ANKS1B: variants seen among roughly 807,000 people sequenced by gnomAD.
ANKS1B encodes ankyrin repeat and sterile alpha motif domain-containing protein 1B.
Under a neutral mutation model 148.3 loss-of-function variants are expected in ANKS1B, and 36 were observed. The ratio of observed to expected loss-of-function variants is 0.24; its 90% CI spans 0.19 to 0.32. The LOEUF (loss-of-function observed/expected upper bound fraction) is 0.32. ANKS1B is among the 10% of genes least tolerant of loss of function. The probability of loss-of-function intolerance (pLI) is 1.00; values close to 1 mark genes in which losing one functional copy is unlikely to be tolerated. For missense variants in ANKS1B, 1,157 were observed against 1,542.6 expected (o/e 0.75, Z 4.19); for synonymous variants, 542 against 560.8 (o/e 0.97, Z 0.47).
intron 19 of ANKS1B, 56 bp from the exon 20 acceptor site, chr12:98,807,974 C>G: frequency 3.7e-6 from 5 of 1,362,352 alleles, no homozygotes; most frequent in Non-Finnish European, 5.2e-6. Context: ...TGGCAGCTAC[C>G]AAGGTAGCAT....
intron 17 of ANKS1B, among the ~76,000 whole-genome samples, chr12:98,913,451 C>T (rs746628708): frequency 2.6e-5 from 4 of 152,122 alleles, no homozygotes; most frequent in South Asian, 4.2e-4. Context: ...AGGTGCAGCT[C>T]GTGGCCTGCT....
chr12:99,046,754 G>T (rs769154890), intron 17 of ANKS1B, among the ~76,000 whole-genome samples: 12 of 148,170 alleles, frequency 8.1e-5, no homozygotes, highest in Non-Finnish European at 1.3e-4. Flanking sequence ...AGCAGAGATT[G>T]CAGAGATTGT....
chr12:99,453,901 G>A (rs2095801453), intron 10 of ANKS1B, among the ~76,000 whole-genome samples: 1 of 152,150 alleles, frequency 6.6e-6, no homozygotes, highest in Admixed American at 6.5e-5. Context: ...ACAGAAGAAT[G>A]AGCCACTAAC....
chr12:99,087,283 G>C (rs2052241070), intron 15 of ANKS1B, among the ~76,000 whole-genome samples: 1 of 152,136 alleles, frequency 6.6e-6, no homozygotes, highest in African/African-American at 2.4e-5. Context: ...TGCTTAGAAG[G>C]ATTAAAGCCA....
chr12:99,646,473 T>C (rs926298890), intron 9 of ANKS1B, among the ~76,000 whole-genome samples: 22 of 151,882 alleles, frequency 1.4e-4, no homozygotes, highest in Admixed American at 3.9e-4. Flanking sequence ...CTGAGCAATA[T>C]GGTGAAACCC....
At chr12:99,441,924 T>C (rs563230920) in intron 11 of ANKS1B, among the ~76,000 whole-genome samples, 31 of 152,068 alleles carry the variant, frequency 2.0e-4, no homozygotes, top group African/African-American at 7.5e-4. Context: ...AGAATCTGTT[T>C]TTCATTCATT....
chr12:99,845,439 A>G (rs899522509), intron 1 of ANKS1B, among the ~76,000 whole-genome samples: 3 of 152,092 alleles, frequency 2.0e-5, no homozygotes, highest in African/African-American at 4.8e-5. Flanking sequence ...ATATGAAGGG[A>G]TGCTGAATTT....
intron 17 of ANKS1B, among the ~76,000 whole-genome samples, chr12:98,946,697 A>G (rs1035102492): frequency 3.9e-5 from 6 of 152,120 alleles, no homozygotes; most frequent in Non-Finnish European, 8.8e-5. Context: ...GCACTTTGGG[A>G]GGCTGAGGCA....
intron 16 of ANKS1B, among the ~76,000 whole-genome samples, chr12:99,067,267 T>G (rs2044667128): frequency 6.6e-6 from 1 of 152,216 alleles, no homozygotes; most frequent in African/African-American, 2.4e-5. Context: ...TTGGCAATGA[T>G]GGCCACTTTG....
intron 25 of ANKS1B, among the ~76,000 whole-genome samples, chr12:98,762,191 C>A (rs1231308215): frequency 6.6e-6 from 1 of 152,148 alleles, no homozygotes; most frequent in Non-Finnish European, 1.5e-5. Context: ...TAAACAGAGT[C>A]CCTGGATCAC....
chr12:99,141,629 T>C (rs531649475), intron 15 of ANKS1B, among the ~76,000 whole-genome samples: 1 of 151,894 alleles, frequency 6.6e-6, no homozygotes, highest in East Asian at 1.9e-4. Context: ...CCACCATGTG[T>C]CCATGTGTTC....
chr12:99,701,203 A>G (rs1047689063), intron 8 of ANKS1B, among the ~76,000 whole-genome samples: 1 of 152,114 alleles, frequency 6.6e-6, no homozygotes, highest in African/African-American at 2.4e-5. Context: ...ACCAGTTGAG[A>G]CACTTTGGGG....
chr12:99,584,095 A>C (rs1396699429), intron 9 of ANKS1B, among the ~76,000 whole-genome samples: 1 of 152,210 alleles, frequency 6.6e-6, no homozygotes, highest in Non-Finnish European at 1.5e-5. Context: ...TGACAATGTA[A>C]AAAGGTAGGC....
At chr12:99,713,253 A>G (rs1321111907) in intron 8 of ANKS1B, among the ~76,000 whole-genome samples, 1 of 152,148 alleles carries the variant, frequency 6.6e-6, no homozygotes. Flanking sequence ...GACCTTATCT[A>G]AAATCGTTCC....
chr12:98,832,932 T>C (rs2099330782), intron 17 of ANKS1B, among the ~76,000 whole-genome samples: 2 of 152,084 alleles, frequency 1.3e-5, no homozygotes, highest in South Asian at 4.1e-4. Flanking sequence ...AAGGGATTAA[T>C]GAATATGAAA....
intron 12 of ANKS1B, among the ~76,000 whole-genome samples, chr12:99,308,106 T>C (rs2082606707): frequency 2.0e-5 from 3 of 152,002 alleles, no homozygotes; most frequent in Admixed American, 6.6e-5. Flanking sequence ...GACCTGGAGG[T>C]AGCTATTTGT....
At chr12:99,412,658 A>C (rs547584555) in intron 11 of ANKS1B, among the ~76,000 whole-genome samples, 6 of 152,268 alleles carry the variant, frequency 3.9e-5, no homozygotes, top group Non-Finnish European at 5.9e-5. Flanking sequence ...CATCACTGCT[A>C]TGAATTTATT....
intron 12 of ANKS1B, among the ~76,000 whole-genome samples, chr12:99,348,439 T>G (rs1238725727): frequency 2.0e-5 from 3 of 150,692 alleles, no homozygotes. Context: ...AAGAAATAAA[T>G]CTACTTATTC....
intron 2 of ANKS1B, among the ~76,000 whole-genome samples, chr12:99,821,289 A>C (rs2153678660): frequency 6.6e-6 from 1 of 152,112 alleles, no homozygotes; most frequent in African/African-American, 2.4e-5. Context: ...CTATAGGATG[A>C]CACTGAAAAT....
Sources: allele counts gnomAD v4.1 joint callset (sites outside exome capture counted in the v4.1 genomes callset), GRCh38; gene constraint gnomAD v4.1.1; transcripts MANE v1.5; gene names NCBI Gene and HGNC (gene_info 2026-07-23, HGNC 2026-07-21).